Variants in DPH6 observed in about 807,000 individuals in gnomAD.
DPH6 encodes the protein diphthamine biosynthesis 6.
DPH6 carries 33 observed loss-of-function variants against 38.2 expected under a neutral mutation model. That is an observed-to-expected ratio of 0.86 (90% CI 0.65 to 1.15). The LOEUF (loss-of-function observed/expected upper bound fraction) is 1.15. Ranked by LOEUF, DPH6 falls within the 50% of genes most tolerant of loss-of-function variation. DPH6 has a pLI of 0.00. For synonymous variants in DPH6, 108 were observed against 103.0 expected (o/e 1.05, Z -0.30); for missense variants, 325 against 320.0 (o/e 1.02, Z -0.12).
chr15:35,146,685 A>C, the DPH6 span, among the ~76,000 whole-genome samples: 1 of 152,174 alleles, frequency 6.6e-6, no homozygotes, highest in Non-Finnish European at 1.5e-5. Flanking sequence ...GGTACTACTA[A>C]AGGTGAATTT....
chr15:35,371,789 A>G lies in DPH6; in HGVS notation c.*361T>C. 2 of 1,000,266 alleles carry G rather than the reference A, an allele frequency of 2.0e-6. No individual in the cohort carries two copies. The highest frequency in any genetic ancestry group is 2.4e-6 in the Non-Finnish European group (2 of 840,406). 62.0% of individuals were successfully genotyped at this position (1,000,266 alleles called of 1,614,324 possible). A position where few individuals can be genotyped will look rare whatever the true frequency, so the allele number is the denominator to read the frequency against. ...TTTTCAAATGCCTCTGCATCATGAC[A>G]TTATTGGTAGGGATTGGAGCAAGAA... On this transcript the variant is annotated 3_prime_UTR_variant, in exon 9 of 9. Transcript: ENST00000256538.
At chr15:35,281,453 A>G (rs751238221) in intron 3 of DPH6, among the ~76,000 whole-genome samples, 1 of 152,232 alleles carries the variant, frequency 6.6e-6, no homozygotes, top group Non-Finnish European at 1.5e-5. Context: ...TTAAATTGAG[A>G]AAACATATGC....
At chr15:35,205,956 G>A in the DPH6 span, among the ~76,000 whole-genome samples, 2 of 152,046 alleles carry the variant, frequency 1.3e-5, no homozygotes, top group African/African-American at 4.8e-5. Context: ...AAATAAAATA[G>A]CAAGCCACCT....
the DPH6 span, among the ~76,000 whole-genome samples, chr15:35,149,449 G>A: frequency 2.0e-5 from 3 of 152,266 alleles, no homozygotes; most frequent in South Asian, 4.1e-4. Flanking sequence ...ATGTTGGCCA[G>A]GCTGGTCTTA....
intron 3 of DPH6, among the ~76,000 whole-genome samples, chr15:35,502,902 GATTATATATATTTATATATA>G (rs930648426): frequency 1.2e-4 from 17 of 147,402 alleles, no homozygotes; most frequent in African/African-American, 4.2e-4. Context: ...TTTCATCACT[GATTATATATATTTATATATA>G]ATTATATATA....
chr15:35,318,718 T>C (rs762256272), intron 3 of DPH6, among the ~76,000 whole-genome samples: 1 of 152,128 alleles, frequency 6.6e-6, no homozygotes, highest in Non-Finnish European at 1.5e-5. Flanking sequence ...CCACTAGAAG[T>C]CTTCTACTGC....
Position 35,518,114 on chromosome 15 carries a change from T to C in DPH6, c.312+20160A>G, listed in dbSNP as rs148007676. Among the ~76,000 whole-genome samples, 8 of 152,146 alleles carry C rather than the reference T, an allele frequency of 5.3e-5. No homozygotes were observed. In the East Asian group the frequency reaches 1.2e-3, roughly 22 times the overall value. On this transcript the variant is annotated intron_variant, in intron 3 of 8. Transcript: ENST00000256538. ...CAAAGAATTCTGTATTCAGCACACA[T>C]TAACTGAACATCTTTTATGTGCCAG...
downstream of DPH6, among the ~76,000 whole-genome samples, chr15:35,366,355 C>T (rs2052660323): frequency 6.6e-6 from 1 of 151,432 alleles, no homozygotes; most frequent in Non-Finnish European, 1.5e-5. Flanking sequence ...ATGTTTTCAC[C>T]TGAGTTCAAT....
chr15:35,167,854 A>C, the DPH6 span, among the ~76,000 whole-genome samples: 2 of 152,010 alleles, frequency 1.3e-5, no homozygotes, highest in African/African-American at 4.8e-5. Flanking sequence ...TGGATAAGGG[A>C]AAGTTATGAG....
At chr15:35,420,102 T>C (rs1055134444) in intron 5 of DPH6, among the ~76,000 whole-genome samples, 7 of 152,114 alleles carry the variant, frequency 4.6e-5, no homozygotes, top group Non-Finnish European at 1.0e-4. Context: ...ACCACAATGC[T>C]ATGAAACTAG....
rs368460105 is a variant in DPH6, at chr15:35,347,962, C to T, written n.208-16885G>A. Among the ~76,000 whole-genome samples the T allele has an allele frequency of 3.4e-4, 52 of 152,096 alleles. No individual in the cohort carries two copies. The South Asian group carries it at 0.011, about 31-fold the overall frequency. On this transcript the variant is annotated intron_variant and non_coding_transcript_variant, in intron 3 of 3. Coordinates refer to the DPH6 transcript ENST00000558973. ...TTTCATCTTTGGAAAAATGTCTATTCAAGTCCTTTGACCATTTTAAAATTA... is the reference window on the plus strand; with the variant it reads ...TTTCATCTTTGGAAAAATGTCTATTTAAGTCCTTTGACCATTTTAAAATTA...
At chr15:35,338,060 C>T (rs1370666355) in intron 3 of DPH6, among the ~76,000 whole-genome samples, 11 of 152,048 alleles carry the variant, frequency 7.2e-5, no homozygotes, top group Admixed American at 3.9e-4. Flanking sequence ...AAACATTAGA[C>T]CTAAAACCAT....
chr15:35,489,166 G>A, intron 3 of DPH6: 1 of 270,506 alleles, frequency 3.7e-6, no homozygotes, highest in Non-Finnish European at 5.7e-6. Context: ...TGGAACTAAA[G>A]GATTTCAATT....
chr15:35,353,718 C>T (rs1253827261), intron 3 of DPH6, among the ~76,000 whole-genome samples: 1 of 152,170 alleles, frequency 6.6e-6, no homozygotes, highest in Non-Finnish European at 1.5e-5. Context: ...TAGCGTGATG[C>T]CTCCAACTTT....
In DPH6 at chr15:35,285,529, T is replaced by A. The variant is rs1167093499; in HGVS notation, n.201-64947A>T. On this transcript the variant is annotated intron_variant and non_coding_transcript_variant, in intron 3 of 3. Transcript: ENST00000560386. ...TGCCTTCCGCCATGATTGTGAGGCC[T>A]CCCCAGTTATGTGTAACTGTAAGTA... 3.3e-5 allele frequency among the ~76,000 whole-genome samples: 5 copies of A among 152,300 alleles called. No individual in the cohort carries two copies. In the South Asian group the frequency reaches 8.3e-4, roughly 25 times the overall value.
chr15:35,508,348 C>A (rs1488317488), intron 3 of DPH6, among the ~76,000 whole-genome samples: 1 of 151,838 alleles, frequency 6.6e-6, no homozygotes, highest in African/African-American at 2.4e-5. Flanking sequence ...ATATCTATGC[C>A]CCTGAATGCA....
intron 3 of DPH6, among the ~76,000 whole-genome samples, chr15:35,270,280 T>A (rs2051814483): frequency 1.3e-5 from 2 of 152,234 alleles, no homozygotes; most frequent in Admixed American, 6.5e-5. Context: ...TAGTCTTTAG[T>A]CCATGTTGCA....
At chr15:35,350,089 G>T (rs926388647) in intron 3 of DPH6, among the ~76,000 whole-genome samples, 1 of 152,116 alleles carries the variant, frequency 6.6e-6, no homozygotes, top group Non-Finnish European at 1.5e-5. Context: ...GCTTTTCCTT[G>T]TTGGGACCTG....
At chr15:35,274,874 C>A (rs1378068655) in intron 3 of DPH6, among the ~76,000 whole-genome samples, 2 of 151,896 alleles carry the variant, frequency 1.3e-5, no homozygotes, top group Non-Finnish European at 2.9e-5. Context: ...CCATTTGACC[C>A]AGCAATCCCA....
Sources: allele counts gnomAD v4.1 joint callset (sites outside exome capture counted in the v4.1 genomes callset), GRCh38; gene constraint gnomAD v4.1.1; transcripts MANE v1.5; gene names NCBI Gene and HGNC (gene_info 2026-07-23, HGNC 2026-07-21).